DOCK10: variants seen among roughly 807,000 people sequenced by gnomAD.
DOCK10 encodes dedicator of cytokinesis 10.
DOCK10 carries 145 observed loss-of-function variants against 280.1 expected under a neutral mutation model. The ratio of observed to expected loss-of-function variants is 0.52; its 90% CI spans 0.45 to 0.59. The LOEUF (loss-of-function observed/expected upper bound fraction) is 0.59. DOCK10 is among the 20% of genes least tolerant of loss of function. DOCK10 has a pLI of 0.00. For missense variants in DOCK10, 2,368 were observed against 2,651.7 expected (o/e 0.89, Z 2.35); for synonymous variants, 915 against 942.2 (o/e 0.97, Z 0.53).
chr2:224,851,462 A>ATTTTT (rs1559559484), intron 18 of DOCK10, among the ~76,000 whole-genome samples: 5 of 147,638 alleles, frequency 3.4e-5, no homozygotes, highest in Middle Eastern at 3.5e-3. Context: ...TTTTTTTAAA[A>ATTTTT]AAAAAAAAAA....
intron 25 of DOCK10, among the ~76,000 whole-genome samples, chr2:224,834,770 GAT>G (rs1695487605): frequency 6.6e-6 from 1 of 152,178 alleles, no homozygotes; most frequent in Non-Finnish European, 1.5e-5. Flanking sequence ...CCATCAGTAA[GAT>G]AACAAATGCT....
chr2:224,859,272 G>A (rs972790703), intron 14 of DOCK10, among the ~76,000 whole-genome samples: 1 of 152,306 alleles, frequency 6.6e-6, no homozygotes, highest in Admixed American at 6.5e-5. Context: ...AAAAAATTCA[G>A]TGTTGAGTGC....
chr2:224,875,859 T>C (rs1698594019), intron 8 of DOCK10, among the ~76,000 whole-genome samples, 179 bp downstream of exon 8: 1 of 152,196 alleles, frequency 6.6e-6, no homozygotes, highest in African/African-American at 2.4e-5. Context: ...ATTGTACTTA[T>C]GTGTGGTGGC....
intron 1 of DOCK10, among the ~76,000 whole-genome samples, chr2:224,978,304 G>A (rs563743740): frequency 6.6e-5 from 10 of 152,026 alleles, no homozygotes; most frequent in Non-Finnish European, 1.5e-4. Flanking sequence ...GTGGTGGCAC[G>A]TGCCTGTAAT....
At chr2:224,974,792 T>G (rs1368766113) in intron 1 of DOCK10, among the ~76,000 whole-genome samples, 1 of 133,598 alleles carries the variant, frequency 7.5e-6, no homozygotes, top group African/African-American at 2.6e-5. Flanking sequence ...ATGTTCTCTC[T>G]ATATATATCA....
At chr2:224,985,466 C>G (rs1705947870) in intron 1 of DOCK10, among the ~76,000 whole-genome samples, 1 of 151,742 alleles carries the variant, frequency 6.6e-6, no homozygotes, top group Non-Finnish European at 1.5e-5. Context: ...GTTCTTGTTT[C>G]AAAGCAGAGA....
intron 1 of DOCK10, among the ~76,000 whole-genome samples, chr2:224,981,349 T>G (rs1705738688): frequency 6.6e-6 from 1 of 152,076 alleles, no homozygotes; most frequent in Admixed American, 6.5e-5. Context: ...ACTTTTAGAG[T>G]AACAGGTATT....
chr2:224,809,815 A>G (rs1334213014), intron 31 of DOCK10, among the ~76,000 whole-genome samples: 15 of 152,104 alleles, frequency 9.9e-5, no homozygotes, highest in Admixed American at 8.5e-4. Context: ...TAGAGCTACC[A>G]TATGATCTAG....
intron 2 of DOCK10, among the ~76,000 whole-genome samples, chr2:224,927,688 G>C (rs1255048202): frequency 6.6e-6 from 1 of 152,084 alleles, no homozygotes; most frequent in Non-Finnish European, 1.5e-5. Context: ...CCATAAAAGG[G>C]CATGAGCTCC....
In DOCK10 at chr2:224,822,973, G is replaced by GT. The variant is rs1245001569; in HGVS notation, c.3183+527dup. 3.1e-3 allele frequency among the ~76,000 whole-genome samples: 445 copies of GT among 145,092 alleles called. 3 individuals are homozygous for GT. The highest frequency in any genetic ancestry group is 0.01 in the African/African-American group (403 of 39,650). On this transcript the variant is annotated intron_variant, in intron 28 of 55. Transcript: ENST00000258390. ...AAATGGATACTTTTCTCTAACCTTAGTTTTTTTTTTCTTTCTTCCTGTCTT... is the reference window on the plus strand; with the variant it reads ...AAATGGATACTTTTCTCTAACCTTAGTTTTTTTTTTTCTTTCTTCCTGTCTT...
intron 1 of DOCK10, among the ~76,000 whole-genome samples, chr2:225,034,050 A>G (rs1334989884): frequency 2.6e-5 from 4 of 152,250 alleles, no homozygotes; most frequent in South Asian, 4.1e-4. Context: ...GAAAGACTGA[A>G]GCAGAGCAAA....
chr2:224,927,063 G>A (rs1267007929), intron 2 of DOCK10, among the ~76,000 whole-genome samples: 1 of 152,188 alleles, frequency 6.6e-6, no homozygotes, highest in East Asian at 1.9e-4. Flanking sequence ...AAAGTAACTG[G>A]GTGTGAGGGC....
chr2:224,969,517 G>A (rs1704964210), intron 1 of DOCK10, among the ~76,000 whole-genome samples: 1 of 152,170 alleles, frequency 6.6e-6, no homozygotes, highest in African/African-American at 2.4e-5. Context: ...CTCCAGGGCT[G>A]TTCACTGGTT....
intron 11 of DOCK10, among the ~76,000 whole-genome samples, chr2:224,870,662 G>A (rs1358960674): frequency 6.6e-6 from 1 of 151,698 alleles, no homozygotes; most frequent in Admixed American, 6.6e-5. Flanking sequence ...AGTCTTCTTT[G>A]GTCACTTCTC....
chr2:224,913,107 T>C (rs770210288), intron 3 of DOCK10, among the ~76,000 whole-genome samples: 1 of 152,142 alleles, frequency 6.6e-6, no homozygotes, highest in Non-Finnish European at 1.5e-5. Flanking sequence ...TTTTATATTA[T>C]TACAAAATAT....
chr2:224,808,812 G>A (rs1693575441), intron 31 of DOCK10, among the ~76,000 whole-genome samples: 1 of 152,040 alleles, frequency 6.6e-6, no homozygotes, highest in Non-Finnish European at 1.5e-5. Flanking sequence ...TTAATATGGT[G>A]TGGCAGGGTG....
intron 43 of DOCK10, 61 bp from the exon 44 acceptor site, chr2:224,796,487 T>C: frequency 5.8e-6 from 6 of 1,032,556 alleles, no homozygotes; most frequent in Non-Finnish European, 8.7e-6. Flanking sequence ...CTTAAAGAAA[T>C]CCACTGGGCT....
rs1418047641 is a variant in DOCK10 at position 224,778,273 on chromosome 2, T to C, written c.5667A>G (p.Glu1889=). ...AAATATACTCTTTACCTTCTTCTTC[T>C]TCAAAAAAGCCCTATGGAACATAAT... ...RVAFYGQGFF[E]EEEGKEYIYK... The change falls in exon 51 of 56, where the codon GAA becomes GAG. Residue 1889 remains glutamate, a synonymous_variant. Coordinates refer to ENST00000258390, the MANE Select transcript of DOCK10 (RefSeq NM_014689.3). The C allele has an allele frequency of 1.2e-6, 2 of 1,602,372 alleles. No homozygotes were observed. The highest frequency in any genetic ancestry group is 1.7e-6 in the Non-Finnish European group (2 of 1,173,700).
At chr2:224,934,244 T>A (rs1417153503) in intron 1 of DOCK10, among the ~76,000 whole-genome samples, 1 of 152,216 alleles carries the variant, frequency 6.6e-6, no homozygotes, top group Non-Finnish European at 1.5e-5. Context: ...CATCAATTAA[T>A]GAATGATATT....
Sources: gnomAD v4.1 joint callset for allele counts (sites outside exome capture counted in the v4.1 genomes callset) on GRCh38, gnomAD v4.1.1 for gene constraint, MANE v1.5 for transcripts, NCBI Gene and HGNC (gene_info 2026-07-23, HGNC 2026-07-21) for gene names.